EYA2: variants seen among roughly 807,000 people sequenced by gnomAD.
EYA2 encodes the protein EYA transcriptional coactivator and phosphatase 2, also known as protein phosphatase EYA2.
In EYA2, 31 loss-of-function variants were observed where a neutral mutation model predicts 69.2. The ratio of observed to expected loss-of-function variants is 0.45; its 90% CI spans 0.34 to 0.60. The LOEUF is 0.60. Ranked by LOEUF, EYA2 falls within the 20% of genes least tolerant of loss-of-function variation. The pLI is 0.02. For missense variants in EYA2, 622 were observed against 701.2 expected, an observed-to-expected ratio of 0.89 and a Z score of 1.28; for synonymous variants, 257 against 279.4, an observed-to-expected ratio of 0.92 and a Z score of 0.80.
chr20:46,973,415 G>T (rs545804570), intron 1 of EYA2, among the ~76,000 whole-genome samples: 1 of 152,172 alleles, frequency 6.6e-6, no homozygotes, highest in African/African-American at 2.4e-5. Context: ...TTTAGATTCC[G>T]TATCTTACAA....
chr20:47,104,161 G>A (rs1192054993), intron 9 of EYA2, among the ~76,000 whole-genome samples: 1 of 152,174 alleles, frequency 6.6e-6, no homozygotes, highest in Non-Finnish European at 1.5e-5. Context: ...CTCATTGTGG[G>A]TTTGATTGGC....
At chr20:46,957,964 T>C (rs1979238165) in intron 1 of EYA2, among the ~76,000 whole-genome samples, 1 of 152,172 alleles carries the variant, frequency 6.6e-6, no homozygotes, top group Non-Finnish European at 1.5e-5. Flanking sequence ...CCAGTGGTCA[T>C]GAGCTCTACC....
In EYA2 at chr20:47,168,193, G is replaced by GT. The variant is rs1474006207; in HGVS notation, c.979-939dup. 6.8e-4 allele frequency among the ~76,000 whole-genome samples: 64 copies of GT among 93,970 alleles called. 1 individual carries two copies. The East Asian group carries it at 0.013, about 19-fold the overall frequency. The allele number at this position is 93,970 out of a possible 152,430, so 61.6% of individuals were successfully genotyped here. ...CCACCCCGTAGTCTTTTGTTTTTTTGTTTTTTTGTTTTTTTTGAGACAGAG... is the reference window on the plus strand; with the variant it reads ...CCACCCCGTAGTCTTTTGTTTTTTTGTTTTTTTTGTTTTTTTTGAGACAGAG... On this transcript the variant is annotated intron_variant, in intron 10 of 15. Coordinates refer to ENST00000327619, the MANE Select transcript of EYA2 (RefSeq NM_005244.5).
At chr20:46,928,387 A>G (rs1243291750) in intron 1 of EYA2, among the ~76,000 whole-genome samples, 2 of 152,214 alleles carry the variant, frequency 1.3e-5, no homozygotes, top group African/African-American at 4.8e-5. Context: ...GAGAGTAGTA[A>G]TGACATCTAC....
chr20:47,044,729 T>C (rs1338150825), intron 5 of EYA2, among the ~76,000 whole-genome samples: 1 of 152,200 alleles, frequency 6.6e-6, no homozygotes, highest in Non-Finnish European at 1.5e-5. Context: ...AAAAATCCTA[T>C]CTATAATTAC....
intron 5 of EYA2, among the ~76,000 whole-genome samples, chr20:47,061,709 A>G (rs1159940561): frequency 6.6e-6 from 1 of 152,248 alleles, no homozygotes; most frequent in Non-Finnish European, 1.5e-5. Flanking sequence ...AGATACGGCC[A>G]CAGCATCCAA....
chr20:47,013,865 C>CA lies in EYA2; in HGVS notation c.299-2315dup, dbSNP rs527770623. Among the ~76,000 whole-genome samples the CA allele has an allele frequency of 4.1e-4, 63 of 152,320 alleles. 1 individual carries two copies. In the East Asian group the frequency reaches 0.011, roughly 28 times the overall value. On this transcript the variant is annotated intron_variant, in intron 4 of 15. Transcript: ENST00000327619. ...TATAAATATTGCTTGTTGCTGCCAT[C>CA]ATTGTTGTTACTAAAGTCTGGCACC...
At chr20:46,976,819 G>A (rs1980496205) in intron 1 of EYA2, among the ~76,000 whole-genome samples, 1 of 152,186 alleles carries the variant, frequency 6.6e-6, no homozygotes, top group Admixed American at 6.5e-5. Flanking sequence ...GGGTTTTTCA[G>A]TTTTAAACTG....
At chr20:47,120,016 G>A (rs1053807003) in intron 9 of EYA2, among the ~76,000 whole-genome samples, 1 of 152,164 alleles carries the variant, frequency 6.6e-6, no homozygotes, top group African/African-American at 2.4e-5. Context: ...AGACCAGCCT[G>A]GCCAACATGG....
intron 13 of EYA2, 88 bp from the exon 14 acceptor site, chr20:47,180,727 T>A (rs1475464446): frequency 2.6e-6 from 4 of 1,520,618 alleles, no homozygotes; most frequent in Admixed American, 1.9e-5. Flanking sequence ...CCTACCAGAT[T>A]TCCCGCCAAC....
At chr20:47,082,514 T>G (rs1399130538) in intron 7 of EYA2, among the ~76,000 whole-genome samples, 1 of 152,200 alleles carries the variant, frequency 6.6e-6, no homozygotes, top group Non-Finnish European at 1.5e-5. Context: ...AGGTTAAATT[T>G]GGCAAAAGAT....
chr20:47,101,766 G>A (rs529649022), intron 9 of EYA2, among the ~76,000 whole-genome samples: 1 of 152,340 alleles, frequency 6.6e-6, no homozygotes, highest in South Asian at 2.1e-4. Flanking sequence ...GGATGTCAGA[G>A]AAGTAATAAG....
At chr20:47,018,087 A>T (rs1170591906) in intron 5 of EYA2, among the ~76,000 whole-genome samples, 1 of 152,202 alleles carries the variant, frequency 6.6e-6, no homozygotes, top group Non-Finnish European at 1.5e-5. Context: ...ACCGGCCCTG[A>T]TAACAGGAGG....
intron 1 of EYA2, among the ~76,000 whole-genome samples, chr20:46,902,985 G>C (rs987384928): frequency 6.6e-6 from 1 of 152,196 alleles, no homozygotes; most frequent in African/African-American, 2.4e-5. Context: ...GGGACATTTC[G>C]TATACCATTT....
chr20:47,074,416 A>G (rs544986818), intron 7 of EYA2, 81 bp downstream of exon 7: 40 of 1,424,238 alleles, frequency 2.8e-5, no homozygotes, highest in South Asian at 2.2e-4. Flanking sequence ...ATGGGTCCCA[A>G]TTGTAACAAA....
In EYA2 at chr20:47,188,613, C is replaced by A; in HGVS notation, c.*480C>A. 2.6e-6 allele frequency: 1 copy of A among 379,102 alleles called. No individual in the cohort carries two copies. Among genetic ancestry groups the A allele is most frequent in the Non-Finnish European group, 4.7e-6 (1 of 211,938 alleles). The allele number at this position is 379,102 out of a possible 1,614,324, so 23.5% of individuals were successfully genotyped here. On this transcript the variant is annotated 3_prime_UTR_variant, in exon 16 of 16. Transcript: ENST00000327619. ...GTTCTAATGTAAGCACTCTATTCTC[C>A]AAGTTGTGCTTTGTGGGGACAATCA...
At chr20:46,950,027 A>T (rs552553262) in intron 1 of EYA2, among the ~76,000 whole-genome samples, 1 of 152,226 alleles carries the variant, frequency 6.6e-6, no homozygotes, top group South Asian at 2.1e-4. Flanking sequence ...TTCTGGTTCC[A>T]TAGCCTGTGT....
chr20:46,907,398 T>C (rs1984413116), intron 1 of EYA2, among the ~76,000 whole-genome samples: 2 of 152,240 alleles, frequency 1.3e-5, no homozygotes, highest in African/African-American at 2.4e-5. Flanking sequence ...TGTTAGAATC[T>C]GTCCAGGTGA....
intron 1 of EYA2, among the ~76,000 whole-genome samples, chr20:46,950,489 C>A (rs1978728587): frequency 6.6e-6 from 1 of 152,158 alleles, no homozygotes; most frequent in African/African-American, 2.4e-5. Context: ...AGGAGTCACT[C>A]TGCAGCATCT....
Sources: allele counts gnomAD v4.1 joint callset (sites outside exome capture counted in the v4.1 genomes callset), GRCh38; gene constraint gnomAD v4.1.1; transcripts MANE v1.5; gene names NCBI Gene and HGNC (gene_info 2026-07-23, HGNC 2026-07-21).